Variants in CCDC169 observed in about 807,000 individuals in gnomAD.
The protein encoded by CCDC169 is coiled-coil domain-containing protein 169.
Under a neutral mutation model 36.0 loss-of-function variants are expected in CCDC169, and 30 were observed. The observed-to-expected ratio is 0.83, with a 90% CI of 0.62 to 1.13. The LOEUF (loss-of-function observed/expected upper bound fraction) is 1.13. CCDC169 is among the 50% of genes most tolerant of loss of function. The pLI is 0.00. For synonymous variants in CCDC169, 85 were observed against 81.5 expected, an observed-to-expected ratio of 1.04 and a Z score of -0.23; for missense variants, 245 against 245.9, an observed-to-expected ratio of 1.00 and a Z score of 0.03.
intron 2 of CCDC169, among the ~76,000 whole-genome samples, chr13:36,283,966 T>G (rs780467167): frequency 3.9e-5 from 6 of 152,172 alleles, no homozygotes; most frequent in African/African-American, 1.4e-4. Flanking sequence ...ACTTCCCACC[T>G]GCTTTTTTCT....
chr13:36,273,375 G>A (rs1021152423), intron 4 of CCDC169, among the ~76,000 whole-genome samples: 4 of 152,084 alleles, frequency 2.6e-5, no homozygotes, highest in African/African-American at 9.7e-5. Flanking sequence ...TACTTTAGGA[G>A]TTTTATACAT....
intron 4 of CCDC169, among the ~76,000 whole-genome samples, chr13:36,272,574 C>T (rs1240283941): frequency 1.3e-5 from 2 of 151,890 alleles, no homozygotes; most frequent in Non-Finnish European, 2.9e-5. Flanking sequence ...CTATTTCTTC[C>T]CAATCAACAC....
intron 4 of CCDC169, among the ~76,000 whole-genome samples, chr13:36,279,008 C>A (rs1350136571): frequency 2.0e-5 from 3 of 152,124 alleles, no homozygotes; most frequent in Non-Finnish European, 2.9e-5. Flanking sequence ...CTCTTGCAGT[C>A]TTACCCAATA....
intron 7 of CCDC169, among the ~76,000 whole-genome samples, chr13:36,237,729 G>A (rs1871262959): frequency 6.6e-6 from 1 of 152,150 alleles, no homozygotes; most frequent in Non-Finnish European, 1.5e-5. Flanking sequence ...TTGGAAATGT[G>A]CCACATAACA....
intron 7 of CCDC169, 113 bp downstream of exon 7, chr13:36,248,493 G>T: frequency 2.2e-6 from 2 of 902,558 alleles, no homozygotes; most frequent in Non-Finnish European, 3.3e-6. Context: ...ATTTTATATT[G>T]TTGCTATAAA....
chr13:36,234,471 T>C (rs1191749700), intron 7 of CCDC169, among the ~76,000 whole-genome samples: 2 of 152,166 alleles, frequency 1.3e-5, no homozygotes, highest in South Asian at 2.1e-4. Flanking sequence ...ATTAAAAATA[T>C]TGATCTACAA....
intron 7 of CCDC169, among the ~76,000 whole-genome samples, chr13:36,245,307 T>G (rs1197441114): frequency 2.0e-5 from 3 of 152,138 alleles, no homozygotes; most frequent in African/African-American, 7.2e-5. Context: ...TTTTTGTTTT[T>G]TTTTTCTTAA....
chr13:36,285,626 GATAC>G (rs199647589), intron 2 of CCDC169, among the ~76,000 whole-genome samples: 8 of 135,608 alleles, frequency 5.9e-5, no homozygotes, highest in Non-Finnish European at 1.1e-4. Flanking sequence ...TAGATACATA[GATAC>G]ATAGATACAT....
At chr13:36,284,223 A>C (rs1877902066) in intron 2 of CCDC169, among the ~76,000 whole-genome samples, 1 of 152,066 alleles carries the variant, frequency 6.6e-6, no homozygotes, top group African/African-American at 2.4e-5. Context: ...AACCTATCCA[A>C]TGTCATGTTC....
At chr13:36,283,565 A>G (rs555569600) in intron 3 of CCDC169, 27 bp downstream of exon 3, 3 of 1,550,956 alleles carry the variant, frequency 1.9e-6, no homozygotes, top group African/African-American at 1.4e-5. Flanking sequence ...CTCAAATTAT[A>G]AAATGTACAT....
At chr13:36,277,896 G>A (rs2138588232) in intron 4 of CCDC169, among the ~76,000 whole-genome samples, 1 of 150,162 alleles carries the variant, frequency 6.7e-6, no homozygotes, top group South Asian at 2.1e-4. Flanking sequence ...AGTGACCCGA[G>A]ATCGTGCCAT....
intron 2 of CCDC169, among the ~76,000 whole-genome samples, chr13:36,285,452 A>C (rs1937922058): frequency 6.6e-6 from 1 of 152,158 alleles, no homozygotes; most frequent in Admixed American, 6.5e-5. Context: ...CAGGAGGCTG[A>C]GGCAGAAGAA....
downstream of CCDC169, chr13:36,227,141 A>T: frequency 9.0e-7 from 1 of 1,116,852 alleles, no homozygotes; most frequent in Non-Finnish European, 1.2e-6. Flanking sequence ...GGGGAGGCTT[A>T]AAGAAATACA....
At chr13:36,224,014 A>T (rs1869739793), downstream of CCDC169, 1 of 152,316 alleles carries the variant, frequency 6.6e-6, no homozygotes, top group Admixed American at 6.5e-5. Flanking sequence ...AAGAAAAGGT[A>T]GGAATAATTT....
Position 36,230,963 on chromosome 13 carries a change from C to T in CCDC169, c.*230G>A. The T allele has an allele frequency of 8.0e-7, 1 of 1,251,298 alleles. No homozygotes were observed. Among genetic ancestry groups the T allele is most frequent in the Non-Finnish European group, 1.0e-6 (1 of 996,244 alleles). The allele number at this position is 1,251,298 out of a possible 1,614,324, so 77.5% of individuals were successfully genotyped here. A position where few individuals can be genotyped will look rare whatever the true frequency, so the allele number is the denominator to read the frequency against. ...GTAATGATGCCAGCCTTCAGATTCC[C>T]TAGGATATTTTAAAACTCTCAAGCA... On this transcript the variant is annotated 3_prime_UTR_variant, in exon 8 of 8. Transcript: ENST00000239859.
chr13:36,263,913 G>A (rs1289991011), intron 4 of CCDC169, among the ~76,000 whole-genome samples: 6 of 152,190 alleles, frequency 3.9e-5, no homozygotes, highest in Non-Finnish European at 8.8e-5. Context: ...GAGGGAGGTA[G>A]TTCAAAATTC....
At chr13:36,286,007 T>C (rs1342837681) in intron 2 of CCDC169, among the ~76,000 whole-genome samples, 1 of 152,202 alleles carries the variant, frequency 6.6e-6, no homozygotes, top group African/African-American at 2.4e-5. Flanking sequence ...TTAATTGAAC[T>C]ATGCAATCAG....
chr13:36,239,723 T>A (rs1043134062), intron 7 of CCDC169, among the ~76,000 whole-genome samples: 1 of 152,174 alleles, frequency 6.6e-6, no homozygotes, highest in Non-Finnish European at 1.5e-5. Context: ...TTATATAAAG[T>A]CACATTAAAT....
chr13:36,258,749 C>T (rs1594038798), intron 4 of CCDC169, among the ~76,000 whole-genome samples: 1 of 151,876 alleles, frequency 6.6e-6, no homozygotes, highest in Non-Finnish European at 1.5e-5. Context: ...ACCAGCACCC[C>T]GGGGGCTGCT....
Sources: allele counts gnomAD v4.1 joint callset (sites outside exome capture counted in the v4.1 genomes callset), GRCh38; gene constraint gnomAD v4.1.1; transcripts MANE v1.5; gene names NCBI Gene and HGNC (gene_info 2026-07-23, HGNC 2026-07-21).